GGTA1: variants seen among roughly 807,000 people sequenced by gnomAD.
The protein encoded by GGTA1 is inactive N-acetyllactosaminide alpha-1,3-galactosyltransferase.
A neutral mutation model predicts 2.6 loss-of-function variants in GGTA1; 5 were observed. That is an observed-to-expected ratio of 1.92 (90% confidence interval 1.00 to 4.04). The LOEUF is 4.04. Among genes scored for constraint, GGTA1 ranks in the 30% most tolerant of loss-of-function variants. GGTA1 has a pLI of 0.00. For missense variants in GGTA1, 50 were observed against 16.7 expected, an observed-to-expected ratio of 2.99 and a Z score of -3.47; for synonymous variants, 17 against 5.0, an observed-to-expected ratio of 3.38 and a Z score of -3.19.
At position 121,456,695 on chromosome 9, in the gene GGTA1, C is replaced by T. The variant is rs150262624; in HGVS notation, c.299-854G>A. On this transcript the variant is annotated intron_variant, in intron 5 of 5. Transcript: ENST00000481799. ...CCTCCCAAAGTGCTGGGATTACAGGCGTGAGCTACCATGCCCAGCCGGAAG... is the reference window on the plus strand; with the variant it reads ...CCTCCCAAAGTGCTGGGATTACAGGTGTGAGCTACCATGCCCAGCCGGAAG... 2.2e-4 allele frequency among the ~76,000 whole-genome samples: 33 copies of T among 152,130 alleles called. No individual in the cohort carries two copies. The East Asian group carries it at 6.2e-3, about 29-fold the overall frequency.
rs1010091707 is a variant in GGTA1 at position 121,455,815 on chromosome 9, C to T, written c.*22G>A. The T allele has an allele frequency of 2.2e-6, 1 of 454,282 alleles. No individual in the cohort carries two copies. The highest frequency in any genetic ancestry group is 4.4e-6 in the Non-Finnish European group (1 of 226,172). The allele number at this position is 454,282 out of a possible 1,614,324, so 28.1% of individuals were successfully genotyped here. On this transcript the variant is annotated 3_prime_UTR_variant, in exon 6 of 6. Transcript: ENST00000481799. ...AGGACTGAGTCAGAAAACCAGAGTC[C>T]AGTTTAGTTATTCGGATTCCTTCAA...
At chr9:121,492,783 G>T (rs559713542) in intron 1 of GGTA1, among the ~76,000 whole-genome samples, 1 of 152,170 alleles carries the variant, frequency 6.6e-6, no homozygotes, top group African/African-American at 2.4e-5. Flanking sequence ...CGAGTTCAGG[G>T]CTTTTAAAGC....
intron 1 of GGTA1, among the ~76,000 whole-genome samples, chr9:121,493,195 C>T (rs1828907110): frequency 6.6e-6 from 1 of 151,946 alleles, no homozygotes; most frequent in African/African-American, 2.4e-5. Context: ...TGCCCAGCCT[C>T]TTCCATTTCC....
intron 1 of GGTA1, among the ~76,000 whole-genome samples, chr9:121,493,799 T>C (rs1828928023): frequency 7.1e-6 from 1 of 140,052 alleles, no homozygotes; most frequent in African/African-American, 2.6e-5. Context: ...TTTTGTTGCC[T>C]AGGCTGGAGT....
At chr9:121,480,551 C>T (rs529539283) in intron 1 of GGTA1, among the ~76,000 whole-genome samples, 1 of 152,226 alleles carries the variant, frequency 6.6e-6, no homozygotes, top group African/African-American at 2.4e-5. Context: ...AAACCCCAGA[C>T]TAAAGACAGG....
At chr9:121,492,414 C>T (rs1357625360) in intron 1 of GGTA1, among the ~76,000 whole-genome samples, 1 of 152,222 alleles carries the variant, frequency 6.6e-6, no homozygotes, top group Non-Finnish European at 1.5e-5. Context: ...CAGCCCAGAG[C>T]TCTTTTCAGT....
At chr9:121,463,698 G>C (rs1055930464) in intron 2 of GGTA1, among the ~76,000 whole-genome samples, 3 of 152,064 alleles carry the variant, frequency 2.0e-5, no homozygotes, top group Non-Finnish European at 4.4e-5. Flanking sequence ...CTCAAATTCT[G>C]TTTTGTTTTT....
chr9:121,460,853 T>A (rs2064954992), intron 4 of GGTA1, among the ~76,000 whole-genome samples: 3 of 150,214 alleles, frequency 2.0e-5, no homozygotes, highest in African/African-American at 7.4e-5. Context: ...CTCAAAAAAA[T>A]AAAAATAAAT....
At chr9:121,447,662 A>T (rs924178972) in intron 7 of GGTA1, 1 of 152,226 alleles carries the variant, frequency 6.6e-6, no homozygotes, top group Non-Finnish European at 1.5e-5. Flanking sequence ...CACAAGCTGA[A>T]AAAACCCACA....
chr9:121,492,591 A>G (rs975920217), intron 1 of GGTA1, among the ~76,000 whole-genome samples: 2 of 152,114 alleles, frequency 1.3e-5, no homozygotes, highest in Admixed American at 6.5e-5. Context: ...CTCCTGCCTC[A>G]GCCTCCCTCA....
intron 1 of GGTA1, among the ~76,000 whole-genome samples, chr9:121,497,437 A>C (rs1254797710): frequency 6.6e-6 from 1 of 152,080 alleles, no homozygotes; most frequent in African/African-American, 2.4e-5. Context: ...AAAAAGCACC[A>C]ACCTTAGAGC....
chr9:121,469,716 G>T (rs1828342902), intron 1 of GGTA1, among the ~76,000 whole-genome samples: 1 of 152,140 alleles, frequency 6.6e-6, no homozygotes, highest in African/African-American at 2.4e-5. Flanking sequence ...TCTATGACTA[G>T]CCAGTTCTTA....
Position 121,467,915 on chromosome 9 carries a change from A to G in GGTA1, c.8T>C (p.Val3Ala). MN[V>A]KGKVILSMLV... ...CATTGACAGAATTACTTTTCCTTTG[A>G]CATTCATTATTTTCTCCTAGGAAAA... Residue 3 changes from valine (V) to alanine (A), a missense_variant, in exon 2 of 6, where the codon GTC becomes GCC. By Grantham distance (64) the Val-to-Ala change is moderately conservative. Transcript: ENST00000481799. 1 of 456,418 alleles carries G rather than the reference A, an allele frequency of 2.2e-6. No individual in the cohort carries two copies. Among genetic ancestry groups the G allele is most frequent in the South Asian group, 1.6e-5 (1 of 64,442 alleles). The allele number at this position is 456,418 out of a possible 1,614,324, so 28.3% of individuals were successfully genotyped here.
chr9:121,480,061 CTT>C (rs532547013), intron 1 of GGTA1, among the ~76,000 whole-genome samples: 2 of 139,802 alleles, frequency 1.4e-5, no homozygotes, highest in Non-Finnish European at 1.5e-5. Flanking sequence ...CTTTTCTTTT[CTT>C]TTTTTTTTTT....
intron 1 of GGTA1, among the ~76,000 whole-genome samples, chr9:121,490,546 C>T (rs1177315306): frequency 2.6e-5 from 4 of 152,174 alleles, no homozygotes; most frequent in African/African-American, 7.2e-5. Flanking sequence ...CAGAGCACAA[C>T]GGGCCGGATC....
chr9:121,465,524 G>A (rs755880919), intron 2 of GGTA1, among the ~76,000 whole-genome samples: 2 of 152,176 alleles, frequency 1.3e-5, no homozygotes, highest in Admixed American at 1.3e-4. Flanking sequence ...CTTTTGGGAC[G>A]TAATTAGGTT....
Position 121,461,273 on chromosome 9 carries a change from AACC to A in GGTA1, c.158_160del (p.Trp53del), listed in dbSNP as rs1351027519. The A allele has an allele frequency of 6.6e-6, 3 of 456,578 alleles. No individual in the cohort carries two copies. Among genetic ancestry groups the A allele is most frequent in the Admixed American group, 2.4e-5 (1 of 42,550 alleles). 28.3% of individuals were successfully genotyped at this position (456,578 alleles called of 1,614,324 possible). The stretch of plus-strand genomic sequence containing the variant: ...TTACCCATTGTTAAACCAGCTCAGA[AACC>A]ACCAGCCCTTCTGAGCACTGCTGTC... On this transcript the variant is annotated inframe_deletion, in exon 4 of 6. Transcript: ENST00000481799.
intron 2 of GGTA1, among the ~76,000 whole-genome samples, chr9:121,464,516 G>A (rs1361152714): frequency 6.6e-6 from 1 of 151,826 alleles, no homozygotes; most frequent in Non-Finnish European, 1.5e-5. Context: ...TAGTAGAGAC[G>A]GGGTTTCACC....
At chr9:121,485,762 G>A (rs1289434418) in intron 1 of GGTA1, among the ~76,000 whole-genome samples, 2 of 152,136 alleles carry the variant, frequency 1.3e-5, no homozygotes, top group Non-Finnish European at 1.5e-5. Context: ...TTTTACACAT[G>A]AAGATACAGA....
Sources: gnomAD v4.1 joint callset for allele counts (sites outside exome capture counted in the v4.1 genomes callset) on GRCh38, gnomAD v4.1.1 for gene constraint, MANE v1.5 for transcripts, NCBI Gene and HGNC (gene_info 2026-07-23, HGNC 2026-07-21) for gene names.